ITPR1: variants seen among roughly 807,000 people sequenced by gnomAD.
ITPR1 encodes inositol 1,4,5-trisphosphate-gated calcium channel ITPR1.
ITPR1 carries 96 observed loss-of-function variants against 318.4 expected under a neutral mutation model. The observed-to-expected ratio is 0.30, with a 90% CI of 0.26 to 0.36. The LOEUF is 0.36. ITPR1 is among the 10% of genes least tolerant of loss of function. The probability of loss-of-function intolerance (pLI) is 1.00; values close to 1 mark genes in which losing one functional copy is unlikely to be tolerated. For missense variants in ITPR1, 2,440 were observed against 3,460.2 expected, an observed-to-expected ratio of 0.71 and a Z score of 7.40; for synonymous variants, 1,312 against 1,289.9, an observed-to-expected ratio of 1.02 and a Z score of -0.37.
chr3:4,694,219 A>C (rs528850474), intron 33 of ITPR1, among the ~76,000 whole-genome samples: 2 of 151,632 alleles, frequency 1.3e-5, no homozygotes, highest in South Asian at 4.2e-4. Flanking sequence ...TTTGAAGTTA[A>C]TCCTTCCAGG....
intron 42 of ITPR1, among the ~76,000 whole-genome samples, chr3:4,730,370 A>AAT (rs2042829484): frequency 1.1e-5 from 1 of 91,558 alleles, no homozygotes. Context: ...TGTTGGGTGG[A>AAT]ATGTGTGTGT....
intron 26 of ITPR1, among the ~76,000 whole-genome samples, chr3:4,681,619 G>A (rs1164327993): frequency 1.7e-5 from 2 of 114,708 alleles, no homozygotes; most frequent in African/African-American, 3.4e-5. Flanking sequence ...GAGAGAGAGA[G>A]AGAAAGTGTG....
chr3:4,667,106 T>G (rs901651029), intron 17 of ITPR1, among the ~76,000 whole-genome samples: 1 of 152,168 alleles, frequency 6.6e-6, no homozygotes. Context: ...AGATTAAAAT[T>G]TATACTGTGC....
chr3:4,633,573 G>A (rs1272195884), intron 5 of ITPR1, among the ~76,000 whole-genome samples: 1 of 152,206 alleles, frequency 6.6e-6, no homozygotes, highest in African/African-American at 2.4e-5. Context: ...CTTTGAAGGA[G>A]AGTGACATCT....
At chr3:4,577,379 G>A (rs530715488) in intron 4 of ITPR1, among the ~76,000 whole-genome samples, 44 of 152,216 alleles carry the variant, frequency 2.9e-4, no homozygotes, top group Non-Finnish European at 5.7e-4. Flanking sequence ...TACAGATTCT[G>A]TAGGTCTAGA....
intron 50 of ITPR1, among the ~76,000 whole-genome samples, 152 bp from the exon 51 acceptor site, chr3:4,783,664 C>T (rs759910705): frequency 9.2e-5 from 14 of 152,342 alleles, no homozygotes; most frequent in South Asian, 2.1e-4. Flanking sequence ...CACAGCACGC[C>T]GTGATGGGAT....
chr3:4,603,299 T>C (rs2091437371), intron 4 of ITPR1, among the ~76,000 whole-genome samples: 1 of 152,166 alleles, frequency 6.6e-6, no homozygotes, highest in Non-Finnish European at 1.5e-5. Flanking sequence ...CATGAGTATA[T>C]TGCATGATGC....
chr3:4,764,893 A>T (rs1012029136), intron 44 of ITPR1, among the ~76,000 whole-genome samples: 3 of 152,006 alleles, frequency 2.0e-5, no homozygotes, highest in Admixed American at 6.6e-5. Context: ...CACTTCTCTT[A>T]TAACTGACAT....
At chr3:4,716,783 C>T (rs934097977) in intron 39 of ITPR1, among the ~76,000 whole-genome samples, 3 of 152,160 alleles carry the variant, frequency 2.0e-5, no homozygotes, top group African/African-American at 7.2e-5. Context: ...GCTGATAAAT[C>T]CCATGTCACT....
chr3:4,553,598 TTTC>T (rs1383524410), intron 4 of ITPR1, among the ~76,000 whole-genome samples: 1 of 84,920 alleles, frequency 1.2e-5, no homozygotes, highest in African/African-American at 3.2e-5. Context: ...GCCTGGATAA[TTTC>T]TTTTTTTTTT....
At chr3:4,746,378 C>T (rs938578747) in intron 44 of ITPR1, among the ~76,000 whole-genome samples, 32 of 152,312 alleles carry the variant, frequency 2.1e-4, no homozygotes, top group African/African-American at 6.3e-4. Flanking sequence ...CACTCCCCTA[C>T]GCTTATTGTC....
chr3:4,699,804 G>A lies in ITPR1; in HGVS notation c.4408-9G>A. The A allele has an allele frequency of 1.2e-6, 2 of 1,613,522 alleles. No individual in the cohort carries two copies. The highest frequency in any genetic ancestry group is 1.7e-6 in the Non-Finnish European group (2 of 1,179,576). ...GGTGTAATGCTTAACATACCCACTTGTCTTCCAGGCCTGTAACAACACTAG... is the reference window on the plus strand; with the variant it reads ...GGTGTAATGCTTAACATACCCACTTATCTTCCAGGCCTGTAACAACACTAG... On this transcript the variant is annotated splice_polypyrimidine_tract_variant and intron_variant, in intron 34 of 61. Transcript: ENST00000649015.
At chr3:4,695,444 G>A (rs2094542527) in intron 33 of ITPR1, among the ~76,000 whole-genome samples, 1 of 152,130 alleles carries the variant, frequency 6.6e-6, no homozygotes, top group Admixed American at 6.6e-5. Context: ...CATAAACTCA[G>A]TTGTATACTG....
At chr3:4,768,231 T>G (rs1371896431) in intron 45 of ITPR1, 2 of 332,824 alleles carry the variant, frequency 6.0e-6, no homozygotes, top group East Asian at 4.8e-5. Context: ...GCCCAGAACC[T>G]TAGATGTGTG....
chr3:4,522,353 A>G (rs1032925237), intron 4 of ITPR1, among the ~76,000 whole-genome samples: 4 of 152,220 alleles, frequency 2.6e-5, no homozygotes, highest in Non-Finnish European at 4.4e-5. Flanking sequence ...CTTATTGTTT[A>G]GTGGTTTAGA....
At chr3:4,685,780 C>G (rs1305850146) in intron 30 of ITPR1, among the ~76,000 whole-genome samples, 2 of 152,196 alleles carry the variant, frequency 1.3e-5, no homozygotes, top group African/African-American at 4.8e-5. Context: ...CAGGAGCAGG[C>G]TGACAGTGCT....
intron 44 of ITPR1, among the ~76,000 whole-genome samples, chr3:4,754,537 G>T (rs1335039678): frequency 1.3e-5 from 2 of 152,134 alleles, no homozygotes; most frequent in Non-Finnish European, 2.9e-5. Context: ...CATAGAACCA[G>T]CCCTGGAAGC....
intron 4 of ITPR1, among the ~76,000 whole-genome samples, chr3:4,522,282 C>T (rs1343610249): frequency 1.3e-5 from 2 of 152,190 alleles, no homozygotes; most frequent in African/African-American, 4.8e-5. Flanking sequence ...TGACTGATGA[C>T]TTCAGTCCCA....
At position 4,516,017 on chromosome 3, in the gene ITPR1, G is replaced by A. The variant is rs536891675; in HGVS notation, c.-16-459G>A. The stretch of plus-strand genomic sequence containing the variant: ...GCTTTGGTACCTTAGCCCAGGCACT[G>A]TGGCCTTGCCAGAAGCAGGTTTTTA... On this transcript the variant is annotated intron_variant, in intron 2 of 61. Coordinates refer to ENST00000649015, the MANE Select transcript of ITPR1 (RefSeq NM_001378452.1). 2.0e-5 allele frequency among the ~76,000 whole-genome samples: 3 copies of A among 152,360 alleles called. No homozygotes were observed. The South Asian group carries it at 6.2e-4, about 32-fold the overall frequency.
Sources: gnomAD v4.1 joint callset for allele counts (sites outside exome capture counted in the v4.1 genomes callset) on GRCh38, gnomAD v4.1.1 for gene constraint, MANE v1.5 for transcripts, NCBI Gene and HGNC (gene_info 2026-07-23, HGNC 2026-07-21) for gene names.